DBNDD1: variants seen among roughly 807,000 people sequenced by gnomAD.
DBNDD1 encodes the protein dysbindin domain containing 1.
In DBNDD1, 14 loss-of-function variants were observed where a neutral mutation model predicts 17.0. The observed-to-expected ratio is 0.82, with a 90% confidence interval of 0.54 to 1.29. The LOEUF (loss-of-function observed/expected upper bound fraction) is 1.29. Among genes scored for constraint, DBNDD1 ranks in the 50% most tolerant of loss-of-function variants. The pLI is 0.00. For synonymous variants in DBNDD1, 105 were observed against 102.0 expected, an observed-to-expected ratio of 1.03 and a Z score of -0.18; for missense variants, 221 against 216.2, an observed-to-expected ratio of 1.02 and a Z score of -0.14.
intron 1 of DBNDD1, among the ~76,000 whole-genome samples, chr16:90,017,054 GT>G (rs1400005541): frequency 1.3e-5 from 2 of 152,188 alleles, no homozygotes; most frequent in Non-Finnish European, 2.9e-5. Flanking sequence ...GTTGGGGTGG[GT>G]TACAGCCCTG....
Position 90,005,763 on chromosome 16 carries a change from G to C in DBNDD1, c.*572C>G, listed in dbSNP as rs1258063312. 1.3e-5 allele frequency: 2 copies of C among 153,866 alleles called. No individual in the cohort carries two copies. Among genetic ancestry groups the C allele is most frequent in the Non-Finnish European group, 2.9e-5 (2 of 69,074 alleles). 9.5% of individuals were successfully genotyped at this position (153,866 alleles called of 1,614,324 possible). ...ACAGCGCCTCCGTGGAGTAGAAGAA[G>C]GGGCAGGATGGAAATCAAGGTGGGA... is the stretch of plus-strand genomic sequence containing the variant. On this transcript the variant is annotated 3_prime_UTR_variant, in exon 4 of 4. Transcript: ENST00000002501.
intron 3 of DBNDD1, 130 bp downstream of exon 3, chr16:90,008,654 C>T (rs2035485645): frequency 3.2e-6 from 2 of 634,828 alleles, no homozygotes; most frequent in East Asian, 2.8e-5. Flanking sequence ...CCCAAGGGGC[C>T]TCACCCCCCA....
rs955584943 is a variant in DBNDD1, at chr16:90,019,335, G to T, written c.7C>A (p.Pro3Thr). Residue 3 changes from proline to threonine, a missense_variant, in exon 1 of 4, where the codon CCC becomes ACC. By Grantham distance (38) the Pro-to-Thr change is conservative. Transcript: ENST00000002501. The surrounding 1 kb of genome is among the most constrained non-coding windows in gnomAD (Gnocchi z 6.1). ...CCTCCGGTGCCGGCGCCCTCCGGGG[G>T]CTCCATGCGGCCGGTGCGGTCTGGG... Reference protein sequence around the residue: MEPPEGAGTGEIV... With the variant: METPEGAGTGEIV... 8.2e-7 allele frequency: 1 copy of T among 1,218,958 alleles called. No homozygotes were observed. The highest frequency in any genetic ancestry group is 1.0e-6 in the Non-Finnish European group (1 of 979,482). 75.5% of individuals were successfully genotyped at this position (1,218,958 alleles called of 1,614,324 possible).
chr16:90,019,877 G>A, upstream of DBNDD1: 1 of 683,642 alleles, frequency 1.5e-6, no homozygotes, highest in South Asian at 1.5e-5. This position sits in a 1 kb window ranked among gnomAD's most constrained non-coding sequence, Gnocchi z 6.1. Flanking sequence ...AGAGCGCCCT[G>A]GATGGCGCGA....
chr16:90,007,593 C>T (rs11076653), intron 3 of DBNDD1: 8,260 of 152,330 alleles, frequency 0.054, 296 homozygotes, highest in East Asian at 0.16. Flanking sequence ...CCAATGGCAA[C>T]GCTCCCGTGG....
intron 1 of DBNDD1, among the ~76,000 whole-genome samples, chr16:90,012,144 C>T (rs904346749): frequency 1.3e-5 from 2 of 152,232 alleles, no homozygotes; most frequent in Non-Finnish European, 2.9e-5. Flanking sequence ...CCTGAGGGTG[C>T]GGCAGGGGCC....
intron 2 of DBNDD1, 88 bp from the exon 3 acceptor site, chr16:90,009,012 C>A: frequency 7.0e-7 from 1 of 1,438,210 alleles, no homozygotes; most frequent in Non-Finnish European, 9.2e-7. Flanking sequence ...TGTGCTGTGT[C>A]CTCCCACAAG....
In DBNDD1 at chr16:90,011,856, C is replaced by G. The variant is rs116738043; in HGVS notation, c.32-2426G>C. On this transcript the variant is annotated intron_variant, in intron 1 of 3. Coordinates refer to ENST00000002501, the MANE Select transcript of DBNDD1 (RefSeq NM_001042610.3). ...TGTGAGCAGGGGGACCTCCCGGACA[C>G]CAGCAGGAAGAAGCCTGCTTGACCA... Among the ~76,000 whole-genome samples the G allele has an allele frequency of 8.1e-3, 1,233 of 152,268 alleles. 19 individuals carry two copies. The highest frequency in any genetic ancestry group is 0.029 in the African/African-American group (1,186 of 41,562).
chr16:90,009,283 C>T lies in DBNDD1; in HGVS notation c.178+1G>A, dbSNP rs1165727303. ...TGCGCTGGGCAGGGAGCAGTACTTA[C>T]GCCTCCTCTCCGTGACCTGCAGGAG... On this transcript the variant is annotated splice_donor_variant, in intron 2 of 3. Transcript: ENST00000002501. LOFTEE classifies it high-confidence loss of function. 11 of 1,613,006 alleles carry T rather than the reference C, an allele frequency of 6.8e-6. No individual in the cohort carries two copies. The highest frequency in any genetic ancestry group is 5.0e-5 in the Admixed American group (3 of 59,980).
intron 1 of DBNDD1, among the ~76,000 whole-genome samples, chr16:90,014,176 G>T (rs2035600697): frequency 1.3e-5 from 2 of 151,752 alleles, no homozygotes; most frequent in South Asian, 2.1e-4. Flanking sequence ...CACCAGGCTG[G>T]AGGGCAATGG....
At chr16:90,009,207 G>A (rs2035501614) in intron 2 of DBNDD1, 77 bp downstream of exon 2, 3 of 1,582,480 alleles carry the variant, frequency 1.9e-6, no homozygotes, top group Non-Finnish European at 2.6e-6. Flanking sequence ...TGGACAGGAG[G>A]TGGACCCTGC....
rs1022772804 is a variant in DBNDD1, at chr16:90,019,285, G to C, written c.31+26C>G. On this transcript the variant is annotated intron_variant, in intron 1 of 3. Coordinates refer to ENST00000002501, the MANE Select transcript of DBNDD1 (RefSeq NM_001042610.3). This position sits in a 1 kb window ranked among gnomAD's most constrained non-coding sequence, Gnocchi z 6.1. Reference sequence around the variant, plus strand: ...CGCTGCGGGGAAGCGCTGCGCGGGGGTCTCGGGGGCTGGGGCTGAACTCAC... The same window carrying C: ...CGCTGCGGGGAAGCGCTGCGCGGGGCTCTCGGGGGCTGGGGCTGAACTCAC... 1.6e-5 allele frequency: 19 copies of C among 1,195,952 alleles called. No homozygotes were observed. Among genetic ancestry groups the C allele is most frequent in the Non-Finnish European group, 1.8e-5 (17 of 958,050 alleles). The allele number at this position is 1,195,952 out of a possible 1,614,324, so 74.1% of individuals were successfully genotyped here.
chr16:90,013,641 G>A (rs567607915), intron 1 of DBNDD1, among the ~76,000 whole-genome samples: 9 of 152,296 alleles, frequency 5.9e-5, no homozygotes, highest in Non-Finnish European at 8.8e-5. Flanking sequence ...AAGGAAGGTG[G>A]GACAGAGGTG....
At chr16:90,011,218 T>C (rs1449370544) in intron 1 of DBNDD1, among the ~76,000 whole-genome samples, 1 of 152,216 alleles carries the variant, frequency 6.6e-6, no homozygotes, top group African/African-American at 2.4e-5. Flanking sequence ...AGGCTCTTGC[T>C]GAGGGGGCTG....
rs1261818564 is a variant in DBNDD1, at chr16:90,006,452, A to G, written c.360T>C (p.Pro120=). The G allele has an allele frequency of 6.2e-7, 1 of 1,600,862 alleles. No homozygotes were observed. The highest frequency in any genetic ancestry group is 1.1e-5 in the South Asian group (1 of 91,032). Residue 120 remains proline, a synonymous_variant, in exon 4 of 4, where the codon CCT becomes CCC. Transcript: ENST00000002501. The part of the protein sequence containing the change: ...PLPRAGYLRS[P]SWTRTRAEQS... ...GCTCAGCCCTTGTCCTCGTCCAGGA[A>G]GGGGAGCGCAGGTAGCCGGCCCGGG... is the stretch of plus-strand genomic sequence containing the variant.
chr16:90,015,367 C>G (rs1356360883), intron 1 of DBNDD1, among the ~76,000 whole-genome samples: 1 of 152,182 alleles, frequency 6.6e-6, no homozygotes, highest in African/African-American at 2.4e-5. Flanking sequence ...CGTGGGTCCT[C>G]AAATGACTGA....
At chr16:90,016,273 G>A (rs1010148124) in intron 1 of DBNDD1, among the ~76,000 whole-genome samples, 4 of 152,204 alleles carry the variant, frequency 2.6e-5, no homozygotes, top group Non-Finnish European at 5.9e-5. Context: ...ACTAGCCCAC[G>A]GTTAGTGAGG....
rs2151258814 is a variant in DBNDD1 at position 90,006,521 on chromosome 16, T to C, written c.320-29A>G. On this transcript the variant is annotated intron_variant, in intron 3 of 3. Transcript: ENST00000002501. ...GGGGCATGCGGGAAGGGGAACTCGGTGTGGCTGAGAGGCCTGGGTGGATGC... is the reference window on the plus strand; with the variant it reads ...GGGGCATGCGGGAAGGGGAACTCGGCGTGGCTGAGAGGCCTGGGTGGATGC... 3 of 1,590,564 alleles carry C rather than the reference T, an allele frequency of 1.9e-6. No homozygotes were observed. In the South Asian group the frequency reaches 3.3e-5, roughly 18 times the overall value.
At position 90,009,205 on chromosome 16, in the gene DBNDD1, A is replaced by T. The variant is rs559314156; in HGVS notation, c.178+79T>A. Reference sequence around the variant, plus strand: ...ACCCCCCAGGGAGTGTTTGGACAGGAGGTGGACCCTGCTGCCTTGTCTCTT... The same window carrying T: ...ACCCCCCAGGGAGTGTTTGGACAGGTGGTGGACCCTGCTGCCTTGTCTCTT... On this transcript the variant is annotated intron_variant, in intron 2 of 3. Transcript: ENST00000002501. 12 of 1,579,024 alleles carry T rather than the reference A, an allele frequency of 7.6e-6. No individual in the cohort carries two copies. The East Asian group carries it at 2.7e-4, about 36-fold the overall frequency.
Sources: allele counts gnomAD v4.1 joint callset (sites outside exome capture counted in the v4.1 genomes callset), GRCh38; gene constraint gnomAD v4.1.1; non-coding constraint Gnocchi (gnomAD v3.1); transcripts MANE v1.5; gene names NCBI Gene and HGNC (gene_info 2026-07-23, HGNC 2026-07-21).